The following MCM3AP variants were observed in gnomAD, a reference collection of about 807,000 sequenced individuals.
The protein encoded by MCM3AP is germinal-center associated nuclear protein.
A neutral mutation model predicts 184.1 loss-of-function variants in MCM3AP; 126 were observed. The ratio of observed to expected loss-of-function variants is 0.68; its 90% CI spans 0.59 to 0.79. The LOEUF (loss-of-function observed/expected upper bound fraction) is 0.79, where lower values mean the gene tolerates loss of function less well. Ranked by LOEUF, MCM3AP falls within the 30% of genes least tolerant of loss-of-function variation. The pLI, the probability that MCM3AP is intolerant of heterozygous loss-of-function variation, is 0.00. For synonymous variants in MCM3AP, 1,002 were observed against 979.3 expected (o/e 1.02, Z -0.43); for missense variants, 2,496 against 2,479.2 (o/e 1.01, Z -0.14).
Position 46,261,489 on chromosome 21 carries a change from C to A in MCM3AP, c.3336-78G>T, listed in dbSNP as rs2081040865. The stretch of plus-strand genomic sequence containing the variant: ...GTGGCTCACGCCTGTAATCCCAGCA[C>A]TTTGGGAGGCTGAGGTGGGCGGATC... On this transcript the variant is annotated intron_variant, in intron 13 of 27. Transcript: ENST00000291688. 2.6e-5 allele frequency: 34 copies of A among 1,317,398 alleles called. 2 individuals are homozygous for A. The South Asian group carries it at 4.1e-4, about 16-fold the overall frequency. 81.6% of individuals were successfully genotyped at this position (1,317,398 alleles called of 1,614,324 possible).
chr21:46,270,033 A>T (rs1471165841), intron 9 of MCM3AP, among the ~76,000 whole-genome samples: 1 of 152,212 alleles, frequency 6.6e-6, no homozygotes, highest in Non-Finnish European at 1.5e-5. Flanking sequence ...TCACTCCAGA[A>T]ACTTCGATTT....
intron 6 of MCM3AP, among the ~76,000 whole-genome samples, chr21:46,274,892 T>A (rs145666115): frequency 1.4e-5 from 2 of 147,244 alleles, no homozygotes; most frequent in African/African-American, 5.1e-5. Context: ...TGAGCCATGA[T>A]TGGACCACTG....
At chr21:46,242,698 C>A in intron 25 of MCM3AP, 104 bp downstream of exon 25, 1 of 1,159,750 alleles carries the variant, frequency 8.6e-7, no homozygotes, top group Non-Finnish European at 1.2e-6. Flanking sequence ...TCACAGTCTG[C>A]CCACAGTGGA....
chr21:46,273,315 A>G (rs1452704883), intron 7 of MCM3AP, 73 bp downstream of exon 7: 3 of 1,348,490 alleles, frequency 2.2e-6, no homozygotes, highest in East Asian at 4.7e-5. Context: ...TATATAACAG[A>G]GTAATAAAAA....
At chr21:46,273,679 C>A (rs188176586) in intron 6 of MCM3AP, 94 bp from the exon 7 acceptor site, 37 of 826,306 alleles carry the variant, frequency 4.5e-5, no homozygotes, top group African/African-American at 3.2e-4. Context: ...CACATACACA[C>A]CCACACAAGA....
chr21:46,271,579 G>A (rs1053391595), intron 8 of MCM3AP, among the ~76,000 whole-genome samples: 1 of 151,996 alleles, frequency 6.6e-6, no homozygotes, highest in African/African-American at 2.4e-5. Context: ...TTTAAAATCA[G>A]CCGGGCATGG....
At chr21:46,269,848 C>A (rs1227563985) in intron 9 of MCM3AP, among the ~76,000 whole-genome samples, 2 of 152,214 alleles carry the variant, frequency 1.3e-5, no homozygotes, top group Non-Finnish European at 2.9e-5. Context: ...GCTCTGTCCT[C>A]ATCCCCAAGT....
intron 9 of MCM3AP, among the ~76,000 whole-genome samples, chr21:46,269,365 C>A (rs1047906051): frequency 2.0e-5 from 3 of 152,166 alleles, no homozygotes; most frequent in Non-Finnish European, 4.4e-5. Flanking sequence ...AATTTTCCCA[C>A]CTCCCAAGTT....
In MCM3AP at chr21:46,280,074, C is replaced by T. The variant is rs1191755524; in HGVS notation, c.1586G>A (p.Ser529Asn). 6.2e-7 allele frequency: 1 copy of T among 1,614,222 alleles called. No homozygotes were observed. The highest frequency in any genetic ancestry group is 2.2e-5 in the East Asian group (1 of 44,894). ...KKPGDGEVSP[S>N]TEDAPFQHSP... ...GTGCTGAAAGGGTGCATCCTCTGTGCTCGGGCTGACTTCACCGTCACCTGG... is the reference window on the plus strand; with the variant it reads ...GTGCTGAAAGGGTGCATCCTCTGTGTTCGGGCTGACTTCACCGTCACCTGG... Residue 529 changes from serine to asparagine, a missense_variant, in exon 4 of 28, where the codon AGC (serine) becomes AAC (asparagine). Physicochemically the swap from Ser to Asn is conservative, Grantham distance 46 (BLOSUM62 1). Coordinates refer to ENST00000291688, the MANE Select transcript of MCM3AP (RefSeq NM_003906.5).
intron 20 of MCM3AP, 75 bp from the exon 21 acceptor site, chr21:46,246,961 A>G (rs1170296712): frequency 1.5e-5 from 23 of 1,510,020 alleles, no homozygotes; most frequent in Middle Eastern, 2.0e-4. Context: ...CCCCAGAGCA[A>G]GTGCAGCCAA....
chr21:46,263,507 G>A (rs2145671696), intron 13 of MCM3AP, among the ~76,000 whole-genome samples: 1 of 152,112 alleles, frequency 6.6e-6, no homozygotes, highest in African/African-American at 2.4e-5. Context: ...ATACTGGCCA[G>A]GTGCAGTGGC....
At chr21:46,270,678 C>T in intron 8 of MCM3AP, 115 bp from the exon 9 acceptor site, 1 of 918,256 alleles carries the variant, frequency 1.1e-6, no homozygotes, top group South Asian at 1.8e-5. Context: ...GTGGCTCACA[C>T]CTGTAATCCC....
chr21:46,275,898 A>G (rs2081248966), intron 5 of MCM3AP, among the ~76,000 whole-genome samples: 1 of 152,240 alleles, frequency 6.6e-6, no homozygotes, highest in African/African-American at 2.4e-5. Context: ...GCTTGCAAGG[A>G]AAAGGAAATG....
Position 46,242,856 on chromosome 21 carries a change from G to A in MCM3AP, c.5372C>T (p.Ser1791Leu), listed in dbSNP as rs756378129. The change falls in exon 25 of 28, where the codon TCG becomes TTG. Residue 1791 changes from serine (S) to leucine (L), a missense_variant. This residue lies in a region of MCM3AP where 1,323 missense variants were observed against 1,273.4 expected (regional missense o/e 1.04). Coordinates refer to ENST00000291688, the MANE Select transcript of MCM3AP (RefSeq NM_003906.5). ...NDLKKYDVPL[S>L]WEQARLQTQK... The stretch of plus-strand genomic sequence containing the variant: ...CGTCTGCAACCTGGCTTGTTCCCAC[G>A]ACAAAGGAACATCATATTTTTTCAA... 19 of 1,612,916 alleles carry A rather than the reference G, an allele frequency of 1.2e-5. No homozygotes were observed. The highest frequency in any genetic ancestry group is 8.9e-5 in the East Asian group (4 of 44,842).
At chr21:46,268,713 T>C (rs544990829) in intron 9 of MCM3AP, among the ~76,000 whole-genome samples, 2 of 152,328 alleles carry the variant, frequency 1.3e-5, no homozygotes, top group South Asian at 4.1e-4. Flanking sequence ...GAAGAGCTTT[T>C]CTAAAGAAAA....
Position 46,251,690 on chromosome 21 carries a change from T to C in MCM3AP, c.4137-8A>G. 6.5e-7 allele frequency: 1 copy of C among 1,542,526 alleles called. No individual in the cohort carries two copies. Among genetic ancestry groups the C allele is most frequent in the Non-Finnish European group, 8.8e-7 (1 of 1,135,084 alleles). On this transcript the variant is annotated splice_polypyrimidine_tract_variant and splice_region_variant and intron_variant, in intron 19 of 27. Coordinates refer to ENST00000291688, the MANE Select transcript of MCM3AP (RefSeq NM_003906.5). ...AACCAATTTGCTAGAATTCTACAGA[T>C]TTAAAAAAAACAAAAAACAAAAAAA...
intron 20 of MCM3AP, among the ~76,000 whole-genome samples, chr21:46,248,324 G>A (rs1176024161): frequency 1.3e-5 from 2 of 152,136 alleles, no homozygotes; most frequent in African/African-American, 2.4e-5. Flanking sequence ...GGGACTCAGC[G>A]CCAAACCACT....
In MCM3AP at chr21:46,243,724, T is replaced by G; in HGVS notation, c.5039-2A>C. 6.2e-7 allele frequency: 1 copy of G among 1,613,412 alleles called. No homozygotes were observed. Among genetic ancestry groups the G allele is most frequent in the South Asian group, 1.1e-5 (1 of 91,038 alleles). ...TGGAGCACACGGGGAGCCAGGGGGC[T>G]GGGGAGAAAGTGCCTCATTAGTTAC... On this transcript the variant is annotated splice_acceptor_variant, in intron 23 of 27. Coordinates refer to ENST00000291688, the MANE Select transcript of MCM3AP (RefSeq NM_003906.5). LOFTEE classifies it high-confidence loss of function.
At position 46,251,881 on chromosome 21, in the gene MCM3AP, CTTTTTTTTTT is replaced by C. The variant is rs754670172; in HGVS notation, c.4137-209_4137-200del. On this transcript the variant is annotated intron_variant, in intron 19 of 27. Coordinates refer to ENST00000291688, the MANE Select transcript of MCM3AP (RefSeq NM_003906.5). Reference sequence around the variant, plus strand: ...AATGGAGCAACGATCTGTACTCGTTCTTTTTTTTTTTTTTTTTTTTTTGAGCCAGGGTCTC... The same window carrying C: ...AATGGAGCAACGATCTGTACTCGTTCTTTTTTTTTTTTGAGCCAGGGTCTC... 1.8e-4 allele frequency: 23 copies of C among 127,760 alleles called. 1 individual carries two copies. The highest frequency in any genetic ancestry group is 4.6e-4 in the African/African-American group (13 of 28,526). The allele number at this position is 127,760 out of a possible 1,614,324, so 7.9% of individuals were successfully genotyped here.
Sources: gnomAD v4.1 joint callset for allele counts (sites outside exome capture counted in the v4.1 genomes callset) on GRCh38, gnomAD v4.1.1 for gene constraint, gnomAD v4.1.1 regional missense constraint, MANE v1.5 for transcripts, NCBI Gene and HGNC (gene_info 2026-07-23, HGNC 2026-07-21) for gene names.